The following DYNC2H1 variants were observed in gnomAD, a reference collection of about 807,000 sequenced individuals.
DYNC2H1 encodes the protein dynein cytoplasmic 2 heavy chain 1.
In DYNC2H1, 410 loss-of-function variants were observed where a neutral mutation model predicts 570.0. That is an observed-to-expected ratio of 0.72 (90% CI 0.66 to 0.78). DYNC2H1 has a LOEUF of 0.78. DYNC2H1 is among the 30% of genes least tolerant of loss of function. The pLI, the probability that DYNC2H1 is intolerant of heterozygous loss-of-function variation, is 0.00. For synonymous variants in DYNC2H1, 1,688 were observed against 1,677.6 expected, an observed-to-expected ratio of 1.01 and a Z score of -0.15; for missense variants, 4,865 against 5,046.4, an observed-to-expected ratio of 0.96 and a Z score of 1.09.
intron 53 of DYNC2H1, among the ~76,000 whole-genome samples, chr11:103,211,000 T>A (rs1458043697): frequency 6.6e-6 from 1 of 152,042 alleles, no homozygotes; most frequent in Non-Finnish European, 1.5e-5. Context: ...GAAAATAGAT[T>A]GGTAATAGGA....
intron 75 of DYNC2H1, among the ~76,000 whole-genome samples, chr11:103,297,197 G>A (rs922245970): frequency 6.6e-6 from 1 of 151,912 alleles, no homozygotes; most frequent in South Asian, 2.1e-4. Context: ...AAAAATAAAT[G>A]TCTCAAATTT....
rs1861172314 is a variant in DYNC2H1 at position 103,163,251 on chromosome 11, A to G, written c.4611+104A>G. 1 of 1,318,780 alleles carries G rather than the reference A, an allele frequency of 7.6e-7. No individual in the cohort carries two copies. The highest frequency in any genetic ancestry group is 1.5e-5 in the African/African-American group (1 of 67,460). 81.7% of individuals were successfully genotyped at this position (1,318,780 alleles called of 1,614,324 possible). On this transcript the variant is annotated intron_variant, in intron 30 of 88. Transcript: ENST00000375735. The surrounding 1 kb of genome is among the most constrained non-coding windows in gnomAD (Gnocchi z 4.6). ...TAAATCGCATCTGTTTTCTCCCTTT[A>G]TCTAACAGTTAACGGACAAATTGCT...
At chr11:103,321,905 G>T (rs1257760664) in intron 81 of DYNC2H1, among the ~76,000 whole-genome samples, 1 of 151,964 alleles carries the variant, frequency 6.6e-6, no homozygotes, top group African/African-American at 2.4e-5. Flanking sequence ...ATTTCTTCAT[G>T]AATTACAAAG....
At chr11:103,217,936 A>G (rs1863446402) in intron 55 of DYNC2H1, among the ~76,000 whole-genome samples, 1 of 152,230 alleles carries the variant, frequency 6.6e-6, no homozygotes, top group Non-Finnish European at 1.5e-5. Flanking sequence ...AAGAAGACAT[A>G]TAAAGGGACA....
intron 69 of DYNC2H1, among the ~76,000 whole-genome samples, chr11:103,258,043 A>G (rs1341793450): frequency 2.0e-5 from 3 of 152,194 alleles, no homozygotes; most frequent in African/African-American, 7.2e-5. Flanking sequence ...AAGGTATAAA[A>G]ATAAGAATTA....
rs751882264 is a variant in DYNC2H1, at chr11:103,168,854, C to T, written c.4862C>T (p.Thr1621Ile). The T allele has an allele frequency of 3.2e-5, 52 of 1,613,280 alleles. No individual in the cohort carries two copies. Among genetic ancestry groups the T allele is most frequent in the Non-Finnish European group, 4.4e-5 (52 of 1,179,540 alleles). Residue 1621 changes from threonine (T) to isoleucine (I), a missense_variant, in exon 32 of 89, where the codon ACT becomes ATT. By Grantham distance (89) the Thr-to-Ile change is moderately conservative (BLOSUM62 -1). Coordinates refer to ENST00000375735, the MANE Select transcript of DYNC2H1 (RefSeq NM_001377.3). The part of the protein sequence containing the change: ...KQLNQIQVHT[T>I]EDWAWKKQLR... ...TTAAACCAAATTCAGGTTCATACAA[C>T]TGAAGACTGGGCTTGGAAAAAACAA...
chr11:103,189,683 G>A lies in DYNC2H1; in HGVS notation c.7304G>A (p.Arg2435Lys), dbSNP rs752086730. The change falls in exon 45 of 89, where the codon AGA becomes AAA. Residue 2435 changes from arginine (R) to lysine (K), a missense_variant. By Grantham distance (26) the Arg-to-Lys change is conservative (BLOSUM62 2). Coordinates refer to ENST00000375735, the MANE Select transcript of DYNC2H1 (RefSeq NM_001377.3). The surrounding 1 kb of genome is among the most constrained non-coding windows in gnomAD (Gnocchi z 4.3). Reference protein sequence around the residue: ...VRLCSIDYPEREQLQTIYGAY... With the variant: ...VRLCSIDYPEKEQLQTIYGAY... ...GCCATTTTTTTTAGTTACCCAGAAA[G>A]AGAGCAGTTACAAACGATTTATGGA... 26 of 1,612,488 alleles carry A rather than the reference G, an allele frequency of 1.6e-5. No homozygotes were observed. Among genetic ancestry groups the A allele is most frequent in the Non-Finnish European group, 2.0e-5 (24 of 1,179,270 alleles).
chr11:103,248,878 G>T (rs1420971716), intron 65 of DYNC2H1, among the ~76,000 whole-genome samples: 1 of 151,750 alleles, frequency 6.6e-6, no homozygotes, highest in African/African-American at 2.4e-5. Flanking sequence ...TGTACACGTT[G>T]ACTGAAAAAA....
chr11:103,114,287 T>G (rs2134685585), intron 3 of DYNC2H1, 49 bp downstream of exon 3: 1 of 1,475,334 alleles, frequency 6.8e-7, no homozygotes, highest in African/African-American at 1.4e-5. Flanking sequence ...ATTGTCTCAT[T>G]AATACATTAG....
intron 83 of DYNC2H1, among the ~76,000 whole-genome samples, chr11:103,372,032 CTT>C (rs1156605664): frequency 0.14 from 5,370 of 37,638 alleles, 139 homozygotes; most frequent in East Asian, 0.22. Flanking sequence ...TTGTCTTGTT[CTT>C]TTTTTTTTTT....
At chr11:103,109,796 C>A (rs923039273) in intron 1 of DYNC2H1, 27 bp downstream of exon 1, 5 of 1,594,234 alleles carry the variant, frequency 3.1e-6, no homozygotes, top group Non-Finnish European at 4.3e-6. Context: ...TCCTGCCTGA[C>A]CCCTGACCAC....
At chr11:103,279,807 A>G (rs1866060671) in intron 70 of DYNC2H1, among the ~76,000 whole-genome samples, 1 of 152,194 alleles carries the variant, frequency 6.6e-6, no homozygotes, top group South Asian at 2.1e-4. Flanking sequence ...TCTAAGTGAT[A>G]ACACATTGAA....
chr11:103,405,399 GA>G (rs1942820983), intron 84 of DYNC2H1: 1 of 152,016 alleles, frequency 6.6e-6, no homozygotes, highest in South Asian at 2.1e-4. Flanking sequence ...AGTGGAATGA[GA>G]AGATGGTTAT....
chr11:103,153,422 A>G lies in DYNC2H1; in HGVS notation c.3216A>G (p.Gln1072=). Residue 1072 remains glutamine (Q), a synonymous_variant, in exon 22 of 89, where the codon CAA becomes CAG. Transcript: ENST00000375735. ...KPGDDVIETG[Q]HNTLDKSAKL... ...GTGATGATGTTATTGAAACTGGCCA[A>G]CATAATACTCTTGATAAAAGTGCAA... The G allele has an allele frequency of 6.4e-7, 1 of 1,564,572 alleles. No individual in the cohort carries two copies. Among genetic ancestry groups the G allele is most frequent in the Non-Finnish European group, 8.7e-7 (1 of 1,153,892 alleles).
Position 103,129,073 on chromosome 11 carries a change from G to A in DYNC2H1, c.1953+68G>A. The A allele has an allele frequency of 7.3e-7, 1 of 1,366,738 alleles. No homozygotes were observed. The highest frequency in any genetic ancestry group is 2.0e-5 in the Admixed American group (1 of 48,960). The allele number at this position is 1,366,738 out of a possible 1,614,324, so 84.7% of individuals were successfully genotyped here. A position where few individuals can be genotyped will look rare whatever the true frequency, so the allele number is the denominator to read the frequency against. The stretch of plus-strand genomic sequence containing the variant: ...GAAGTGTTTAATTCTTAATTTTCCG[G>A]TGTTCCCTTCAGCTTAATATATCAA... On this transcript the variant is annotated intron_variant, in intron 13 of 88. Coordinates refer to ENST00000375735, the MANE Select transcript of DYNC2H1 (RefSeq NM_001377.3). The surrounding 1 kb of genome is among the most constrained non-coding windows in gnomAD (Gnocchi z 4.1).
rs938338499 is a variant in DYNC2H1, at chr11:103,263,777, C to A, written c.10695+3800C>A. Among the ~76,000 whole-genome samples the A allele has an allele frequency of 5.7e-5, 8 of 141,216 alleles. No homozygotes were observed. In the East Asian group the frequency reaches 1.5e-3, roughly 27 times the overall value. The allele number at this position is 141,216 out of a possible 152,430, so 92.6% of individuals were successfully genotyped here. ...GAAAGTAGGAAAGATCTAAAATCAA[C>A]CCCCTAACATCACAATTAAAAGAAC... On this transcript the variant is annotated intron_variant, in intron 70 of 88. Coordinates refer to ENST00000375735, the MANE Select transcript of DYNC2H1 (RefSeq NM_001377.3).
At chr11:103,427,075 C>T (rs1943699980) in intron 84 of DYNC2H1, among the ~76,000 whole-genome samples, 2 of 151,936 alleles carry the variant, frequency 1.3e-5, no homozygotes, top group Admixed American at 1.3e-4. Context: ...ACCCACAGAG[C>T]CCATTTAACT....
chr11:103,242,299 A>T (rs1262167326), intron 63 of DYNC2H1, among the ~76,000 whole-genome samples: 1 of 152,202 alleles, frequency 6.6e-6, no homozygotes, highest in Non-Finnish European at 1.5e-5. Flanking sequence ...CAACAACAAT[A>T]ATAAAATAGA....
intron 83 of DYNC2H1, among the ~76,000 whole-genome samples, chr11:103,361,556 T>C (rs1940642447): frequency 6.6e-6 from 1 of 152,186 alleles, no homozygotes; most frequent in South Asian, 2.1e-4. Context: ...GTGGGTATGA[T>C]CTAGTTTACA....
Sources: allele counts gnomAD v4.1 joint callset (sites outside exome capture counted in the v4.1 genomes callset), GRCh38; gene constraint gnomAD v4.1.1; non-coding constraint Gnocchi (gnomAD v3.1); transcripts MANE v1.5; gene names NCBI Gene and HGNC (gene_info 2026-07-23, HGNC 2026-07-21).